Variants in SERGEF observed in about 807,000 individuals in gnomAD.
SERGEF encodes the protein secretion-regulating guanine nucleotide exchange factor.
In SERGEF, 51 loss-of-function variants were observed where a neutral mutation model predicts 50.0. The ratio of observed to expected loss-of-function variants is 1.02; its 90% CI spans 0.81 to 1.29. The LOEUF is 1.29. Ranked by LOEUF, SERGEF falls within the 50% of genes most tolerant of loss-of-function variation. SERGEF has a pLI of 0.00. For missense variants in SERGEF, 521 were observed against 557.0 expected (o/e 0.94, Z 0.65); for synonymous variants, 205 against 212.4 (o/e 0.97, Z 0.30).
intron 3 of SERGEF, 73 bp downstream of exon 3, chr11:18,006,518 G>A: frequency 7.3e-7 from 1 of 1,377,848 alleles, no homozygotes; most frequent in Non-Finnish European, 1.0e-6. Context: ...CATTTAATCT[G>A]CAGTCACCAT....
chr11:17,957,642 A>G (rs1852902187), intron 9 of SERGEF, among the ~76,000 whole-genome samples: 1 of 152,162 alleles, frequency 6.6e-6, no homozygotes, highest in South Asian at 2.1e-4. Flanking sequence ...AAATATATCA[A>G]AAGTCATAAA....
chr11:17,929,268 A>T (rs1427613435), intron 9 of SERGEF, among the ~76,000 whole-genome samples: 1 of 152,124 alleles, frequency 6.6e-6, no homozygotes, highest in East Asian at 1.9e-4. Context: ...TTTATTTTCA[A>T]TTGCCAGATC....
At chr11:17,863,179 T>G (rs1850957500) in intron 10 of SERGEF, among the ~76,000 whole-genome samples, 1 of 152,184 alleles carries the variant, frequency 6.6e-6, no homozygotes, top group Non-Finnish European at 1.5e-5. Flanking sequence ...GATAACTAAG[T>G]GAGATGATAT....
intron 9 of SERGEF, among the ~76,000 whole-genome samples, chr11:17,920,233 C>T (rs1852128478): frequency 6.6e-6 from 1 of 152,114 alleles, no homozygotes; most frequent in Non-Finnish European, 1.5e-5. Flanking sequence ...GGCAATAGAG[C>T]GAGACTCTGT....
chr11:17,959,677 G>T, intron 8 of SERGEF, 41 bp from the exon 9 acceptor site: 1 of 1,540,454 alleles, frequency 6.5e-7, no homozygotes, highest in Non-Finnish European at 8.8e-7. Flanking sequence ...ACATTCCACA[G>T]CTGTGCTCTC....
At chr11:17,946,932 G>A (rs1189080293) in intron 9 of SERGEF, among the ~76,000 whole-genome samples, 1 of 152,130 alleles carries the variant, frequency 6.6e-6, no homozygotes, top group Non-Finnish European at 1.5e-5. Flanking sequence ...GAGCCCCCAA[G>A]GCTTCTCCAA....
In SERGEF at chr11:18,012,977, G is replaced by T; in HGVS notation, c.34C>A (p.Pro12Thr). 6.8e-7 allele frequency: 1 copy of T among 1,471,226 alleles called. No homozygotes were observed. Among genetic ancestry groups the T allele is most frequent in the Non-Finnish European group, 8.9e-7 (1 of 1,120,814 alleles). The allele number at this position is 1,471,226 out of a possible 1,614,324, so 91.1% of individuals were successfully genotyped here. The change falls in exon 1 of 11, where the codon CCC becomes ACC. Residue 12 changes from proline to threonine, a missense_variant. Pro to Thr is a conservative substitution (Grantham distance 38). Coordinates refer to ENST00000265965, the MANE Select transcript of SERGEF (RefSeq NM_012139.4). ...EREPSASEAA[P>T]AAAALFAWGA... ...CAGGCGAAGAGCGCGGCCGCCGCGG[G>T]GGCGGCCTCCGAGGCGCTGGGCTCG...
At chr11:17,842,606 C>A (rs1299323617) in intron 10 of SERGEF, among the ~76,000 whole-genome samples, 1 of 152,094 alleles carries the variant, frequency 6.6e-6, no homozygotes, top group African/African-American at 2.4e-5. Context: ...AGGATTTGAA[C>A]CTTGGTCAAA....
In SERGEF at chr11:17,963,057, C is replaced by T. The variant is rs560302858; in HGVS notation, c.845-3421G>A. 4.0e-5 allele frequency among the ~76,000 whole-genome samples: 6 copies of T among 151,780 alleles called. No individual in the cohort carries two copies. The South Asian group carries it at 1.3e-3, about 32-fold the overall frequency. On this transcript the variant is annotated intron_variant, in intron 8 of 10. Coordinates refer to ENST00000265965, the MANE Select transcript of SERGEF (RefSeq NM_012139.4). ...ATTAGCTGAGTGTGGTGGCCCACGA[C>T]CGTAGTCCCAGCTACTGGGGAGGCT...
chr11:17,919,773 G>T (rs1402572435), intron 9 of SERGEF, among the ~76,000 whole-genome samples: 1 of 152,000 alleles, frequency 6.6e-6, no homozygotes, highest in Non-Finnish European at 1.5e-5. Flanking sequence ...CCAGATATCT[G>T]CATGGCTAAG....
At chr11:17,876,608 C>T (rs1387226828) in intron 10 of SERGEF, among the ~76,000 whole-genome samples, 1 of 152,248 alleles carries the variant, frequency 6.6e-6, no homozygotes, top group Non-Finnish European at 1.5e-5. Context: ...CAGTTTGAAC[C>T]AAGGCTGTCT....
intron 8 of SERGEF, among the ~76,000 whole-genome samples, chr11:17,975,102 T>C (rs1414843809): frequency 6.6e-6 from 1 of 152,232 alleles, no homozygotes; most frequent in East Asian, 1.9e-4. Context: ...CAAAGTGCTT[T>C]CCATGATCTT....
At chr11:17,873,661 T>TGGAGGAGGAGGAGGAGGAGGA (rs145195114) in intron 10 of SERGEF, among the ~76,000 whole-genome samples, 6 of 148,250 alleles carry the variant, frequency 4.0e-5, no homozygotes, top group East Asian at 2.0e-4. Flanking sequence ...TGGCTCTGCT[T>TGGAGGAGGAGGAGGAGGAGGA]GGAGGAGGAG....
intron 7 of SERGEF, 80 bp downstream of exon 7, chr11:17,992,851 G>T: frequency 8.3e-7 from 1 of 1,202,836 alleles, no homozygotes; most frequent in Non-Finnish European, 1.2e-6. Context: ...CATTCCCTCT[G>T]TATTTCAATA....
intron 8 of SERGEF, among the ~76,000 whole-genome samples, chr11:17,965,120 G>A (rs1853091286): frequency 6.6e-6 from 1 of 152,220 alleles, no homozygotes; most frequent in African/African-American, 2.4e-5. Context: ...ATCCCCACAT[G>A]TTGTGGGAGG....
At chr11:17,885,839 CT>C (rs1851419344) in intron 9 of SERGEF, among the ~76,000 whole-genome samples, 1 of 152,110 alleles carries the variant, frequency 6.6e-6, no homozygotes, top group Non-Finnish European at 1.5e-5. Context: ...CCAACCAACT[CT>C]ACAAGGCCTA....
intron 10 of SERGEF, among the ~76,000 whole-genome samples, chr11:17,815,967 TA>T (rs1849967722): frequency 6.6e-6 from 1 of 152,036 alleles, no homozygotes; most frequent in Non-Finnish European, 1.5e-5. Context: ...CCTCAAATAC[TA>T]AGGGGAAGAT....
intron 9 of SERGEF, among the ~76,000 whole-genome samples, chr11:17,901,535 C>T (rs1034242136): frequency 1.3e-5 from 2 of 152,230 alleles, no homozygotes; most frequent in Admixed American, 6.5e-5. Flanking sequence ...CCAAAGTGGA[C>T]TGTAAACTAA....
intron 10 of SERGEF, among the ~76,000 whole-genome samples, chr11:17,792,653 A>G (rs769815004): frequency 1.3e-5 from 2 of 152,210 alleles, no homozygotes; most frequent in South Asian, 4.1e-4. Context: ...ACTTTGGGTT[A>G]GGTGCTCTGT....
Sources: allele counts gnomAD v4.1 joint callset (sites outside exome capture counted in the v4.1 genomes callset), GRCh38; gene constraint gnomAD v4.1.1; transcripts MANE v1.5; gene names NCBI Gene and HGNC (gene_info 2026-07-23, HGNC 2026-07-21).